The following RGS8 variants were observed in gnomAD, a reference collection of about 807,000 sequenced individuals.
RGS8 encodes regulator of G-protein signaling 8.
RGS8 carries 8 observed loss-of-function variants against 21.7 expected under a neutral mutation model. That is an observed-to-expected ratio of 0.37 (90% CI 0.22 to 0.66). The LOEUF (loss-of-function observed/expected upper bound fraction) is 0.66, where lower values mean the gene tolerates loss of function less well. RGS8 is among the 30% of genes least tolerant of loss of function. RGS8 has a pLI of 0.59. For synonymous variants in RGS8, 80 were observed against 83.6 expected (o/e 0.96, Z 0.24); for missense variants, 157 against 217.9 (o/e 0.72, Z 1.76).
At chr1:182,707,651 T>A in the RGS8 span, among the ~76,000 whole-genome samples, 2 of 152,212 alleles carry the variant, frequency 1.3e-5, no homozygotes, top group Non-Finnish European at 2.9e-5. Flanking sequence ...TCATAATCAA[T>A]AAATAACATT....
the RGS8 span, among the ~76,000 whole-genome samples, chr1:182,727,089 T>C: frequency 5.9e-5 from 9 of 152,244 alleles, no homozygotes; most frequent in African/African-American, 1.9e-4. Flanking sequence ...AGTGGTTGCT[T>C]CCCACAAGTC....
At chr1:182,645,980 G>A (rs776811365), downstream of RGS8, 1 of 152,194 alleles carries the variant, frequency 6.6e-6, no homozygotes, top group Non-Finnish European at 1.5e-5. Flanking sequence ...AAAGTTCTTC[G>A]TAGAATTGAG....
chr1:182,722,803 C>T, the RGS8 span, among the ~76,000 whole-genome samples: 1 of 151,922 alleles, frequency 6.6e-6, no homozygotes, highest in South Asian at 2.1e-4. Context: ...GGTGAAACCC[C>T]GTCTCTACTA....
chr1:182,696,425 T>C, the RGS8 span, among the ~76,000 whole-genome samples: 3 of 152,326 alleles, frequency 2.0e-5, no homozygotes, highest in Admixed American at 6.5e-5. Context: ...TGTCATGATC[T>C]TGGCTCACTG....
upstream of RGS8, among the ~76,000 whole-genome samples, chr1:182,687,211 G>T (rs747035563): frequency 1.3e-5 from 2 of 152,014 alleles, no homozygotes; most frequent in Non-Finnish European, 2.9e-5. Context: ...TTCTTTTTCT[G>T]TTTTTTTCCC....
upstream of RGS8, among the ~76,000 whole-genome samples, chr1:182,686,777 G>A (rs543500581): frequency 1.3e-5 from 2 of 152,126 alleles, no homozygotes; most frequent in South Asian, 4.2e-4. Flanking sequence ...AGAGATGAGG[G>A]GAGTAAATGG....
intron 5 of RGS8, among the ~76,000 whole-genome samples, 197 bp from the exon 7 acceptor site, chr1:182,648,500 G>A (rs562954236): frequency 4.2e-4 from 64 of 152,294 alleles, no homozygotes; most frequent in Non-Finnish European, 1.2e-4. Context: ...TTGGGAGGCC[G>A]AGGTGGGTGG....
At chr1:182,649,481 TAA>T (rs906359060) in intron 5 of RGS8, among the ~76,000 whole-genome samples, 4 of 152,074 alleles carry the variant, frequency 2.6e-5, no homozygotes, top group African/African-American at 9.7e-5. Flanking sequence ...TCCTTTATTT[TAA>T]AAGATATTGC....
chr1:182,672,976 A>G (rs778767208), upstream of RGS8: 6 of 878,650 alleles, frequency 6.8e-6, no homozygotes, highest in Non-Finnish European at 1.1e-5. Flanking sequence ...CCACCCCTAG[A>G]CCTACAGAAT....
the RGS8 span, among the ~76,000 whole-genome samples, chr1:182,712,586 TACCCACAC>T: frequency 2.0e-5 from 3 of 152,176 alleles, no homozygotes; most frequent in African/African-American, 7.2e-5. Flanking sequence ...TCCTTCAAAA[TACCCACAC>T]TTTATTATAA....
the RGS8 span, among the ~76,000 whole-genome samples, chr1:182,706,908 AGTATCTTAG>A: frequency 6.6e-6 from 1 of 152,134 alleles, no homozygotes; most frequent in Admixed American, 6.5e-5. Flanking sequence ...TCTAAAACTA[AGTATCTTAG>A]GAGGCCAAGG....
At chr1:182,659,571 C>T (rs950411532) in intron 5 of RGS8, among the ~76,000 whole-genome samples, 6 of 152,136 alleles carry the variant, frequency 3.9e-5, no homozygotes, top group South Asian at 4.1e-4. Context: ...TGGTGGCAGG[C>T]GCTTCTAATC....
At chr1:182,672,780 CTG>C, upstream of RGS8, 1 of 1,612,920 alleles carries the variant, frequency 6.2e-7, no homozygotes, top group Non-Finnish European at 8.5e-7. Context: ...CCCTATTTTT[CTG>C]TCTTTTCCAT....
chr1:182,743,670 A>G, the RGS8 span, among the ~76,000 whole-genome samples: 1 of 152,156 alleles, frequency 6.6e-6, no homozygotes, highest in Non-Finnish European at 1.5e-5. Flanking sequence ...CCTGAAATGC[A>G]TTTACCCCAG....
the RGS8 span, among the ~76,000 whole-genome samples, chr1:182,732,272 T>TAC: frequency 0.047 from 6,213 of 132,490 alleles, 154 homozygotes; most frequent in African/African-American, 0.072. Flanking sequence ...CTCTCTCTCA[T>TAC]ACACACACAC....
chr1:182,705,733 G>A, the RGS8 span, among the ~76,000 whole-genome samples: 3 of 152,186 alleles, frequency 2.0e-5, no homozygotes, highest in Admixed American at 1.3e-4. Flanking sequence ...AAACAAGACA[G>A]TATATAGAGA....
chr1:182,647,211 A>G (rs1662745433), intron 6 of RGS8, among the ~76,000 whole-genome samples: 1 of 152,244 alleles, frequency 6.6e-6, no homozygotes, highest in African/African-American at 2.4e-5. Flanking sequence ...GCAAAATCCC[A>G]AATTACTTGA....
chr1:182,681,266 A>G (rs1437065734), intron 1 of RGS8, among the ~76,000 whole-genome samples: 1 of 152,094 alleles, frequency 6.6e-6, no homozygotes, highest in Non-Finnish European at 1.5e-5. Context: ...CCCTGTCACA[A>G]CTGAAATGTG....
chr1:182,688,438 A>G (rs1224007817), upstream of RGS8, among the ~76,000 whole-genome samples: 1 of 152,174 alleles, frequency 6.6e-6, no homozygotes, highest in Non-Finnish European at 1.5e-5. Flanking sequence ...AGGAGGAAGA[A>G]AAAGAGGGAA....
Sources: gnomAD v4.1 joint callset for allele counts (sites outside exome capture counted in the v4.1 genomes callset) on GRCh38, gnomAD v4.1.1 for gene constraint, MANE v1.5 for transcripts, NCBI Gene and HGNC (gene_info 2026-07-23, HGNC 2026-07-21) for gene names.